The following PGM3 variants were observed in gnomAD, a reference collection of about 807,000 sequenced individuals.
PGM3 encodes phosphoglucomutase 3, also known as phosphoacetylglucosamine mutase.
In PGM3, 40 loss-of-function variants were observed where a neutral mutation model predicts 66.2. The ratio of observed to expected loss-of-function variants is 0.60; its 90% confidence interval spans 0.47 to 0.79. PGM3 has a LOEUF of 0.79. PGM3 is among the 30% of genes least tolerant of loss of function. The probability of loss-of-function intolerance (pLI) is 0.00; values close to 1 mark genes in which losing one functional copy is unlikely to be tolerated. For synonymous variants in PGM3, 191 were observed against 224.2 expected (o/e 0.85, Z 1.32); for missense variants, 537 against 643.4 (o/e 0.83, Z 1.79).
downstream of PGM3, chr6:83,158,649 GT>G: frequency 6.5e-7 from 1 of 1,545,854 alleles, no homozygotes; most frequent in Non-Finnish European, 8.9e-7. Flanking sequence ...ATATATTGTT[GT>G]CCATTTTTTA....
rs1788288846 is a variant in PGM3 at position 83,182,882 on chromosome 6, T to C, written c.554A>G (p.Gln185Arg). ...TTCCACAAAAGCCTTAGAGAGTTTC[T>C]GGTAGTAACCTTCTATAGTTGCCTT... ...YGKATIEGYYQKLSKAFVELT... is the reference protein window; with the variant it reads ...YGKATIEGYYRKLSKAFVELT... The change falls in exon 5 of 13, where the codon CAG becomes CGG. Residue 185 changes from glutamine (Q) to arginine (R), a missense_variant. Gln to Arg is a conservative substitution (Grantham distance 43). Transcript: ENST00000513973. 1 of 1,614,140 alleles carries C rather than the reference T, an allele frequency of 6.2e-7. No homozygotes were observed.
chr6:83,163,025 C>G (rs1784600532), downstream of PGM3: 2 of 1,323,816 alleles, frequency 1.5e-6, no homozygotes, highest in Admixed American at 2.4e-5. Context: ...TCAAGTTGAG[C>G]TATTTTGAAA....
chr6:83,175,029 T>G (rs1410079459), intron 9 of PGM3, among the ~76,000 whole-genome samples: 3 of 152,218 alleles, frequency 2.0e-5, no homozygotes, highest in African/African-American at 7.2e-5. Flanking sequence ...TTGGAAATAC[T>G]CATCTTTTTT....
chr6:83,154,147 A>G, the PGM3 span: 1 of 1,612,956 alleles, frequency 6.2e-7, no homozygotes, highest in Non-Finnish European at 8.5e-7. Flanking sequence ...CAGTAACAAC[A>G]TAATTACATG....
chr6:83,165,573 T>C lies in PGM3; in HGVS notation c.*3661A>G, dbSNP rs1813511. ...AATAAGTTTGTTTACTCCTGTAGCA[T>C]AAAAATCCATGCTTCCAAATTTGAC... On this transcript the variant is annotated 3_prime_UTR_variant, in exon 13 of 13. Transcript: ENST00000513973. 0.046 allele frequency: 8,126 copies of C among 176,266 alleles called. 254 individuals are homozygous for C. Among genetic ancestry groups the C allele is most frequent in the Middle Eastern group, 0.081 (32 of 396 alleles). The allele number at this position is 176,266 out of a possible 1,614,324, so 10.9% of individuals were successfully genotyped here.
Position 83,165,500 on chromosome 6 carries a change from T to A in PGM3, c.*3734A>T, listed in dbSNP as rs1369233794. On this transcript the variant is annotated 3_prime_UTR_variant, in exon 13 of 13. Coordinates refer to ENST00000513973, the MANE Select transcript of PGM3 (RefSeq NM_015599.3). ...ATAACTAGGTTCACACAAATCTTTA[T>A]TAATTAAAATAGGAACCATTACAAT... 6.5e-6 allele frequency: 1 copy of A among 154,526 alleles called. No homozygotes were observed. Among genetic ancestry groups the A allele is most frequent in the Admixed American group, 6.5e-5 (1 of 15,414 alleles). The allele number at this position is 154,526 out of a possible 1,614,324, so 9.6% of individuals were successfully genotyped here.
chr6:83,193,742 G>C (rs1789392366), upstream of PGM3: 1 of 153,156 alleles, frequency 6.5e-6, no homozygotes, highest in Non-Finnish European at 1.5e-5. Context: ...AGCCTTCTCC[G>C]GCTGCCGTCT....
intron 12 of PGM3, chr6:83,169,649 T>C (rs1366197368): frequency 4.2e-6 from 2 of 470,766 alleles, no homozygotes; most frequent in Non-Finnish European, 8.4e-6. Flanking sequence ...AATGCCTCTG[T>C]TGCCATCTCC....
At chr6:83,178,903 T>C in intron 7 of PGM3, 147 bp from the exon 8 acceptor site, 1 of 628,900 alleles carries the variant, frequency 1.6e-6, no homozygotes, top group Non-Finnish European at 2.8e-6. Context: ...AAAATTTACA[T>C]GTATGCCAGG....
the PGM3 span, chr6:83,153,925 G>A: frequency 1.2e-6 from 2 of 1,613,318 alleles, no homozygotes; most frequent in Non-Finnish European, 1.7e-6. Context: ...TCGAGCTTGT[G>A]TCCAGCTGCT....
At chr6:83,176,188 A>G in intron 8 of PGM3, 128 bp from the exon 9 acceptor site, 2 of 615,612 alleles carry the variant, frequency 3.2e-6, no homozygotes, top group South Asian at 3.9e-5. Flanking sequence ...AAGACGATTA[A>G]GCATTAAAAT....
At chr6:83,161,871 C>G (rs1784316785), downstream of PGM3, among the ~76,000 whole-genome samples, 1 of 152,068 alleles carries the variant, frequency 6.6e-6, no homozygotes, top group South Asian at 2.1e-4. Context: ...AATAAATAAG[C>G]ATTACTTAAG....
chr6:83,191,376 T>A (rs765624438), intron 1 of PGM3: 6 of 701,410 alleles, frequency 8.6e-6, no homozygotes, highest in East Asian at 8.2e-5. Context: ...TCAAAGATCA[T>A]TTCATTTTAC....
At chr6:83,177,286 C>T (rs967711403) in intron 8 of PGM3, among the ~76,000 whole-genome samples, 4 of 152,082 alleles carry the variant, frequency 2.6e-5, no homozygotes, top group African/African-American at 7.2e-5. Context: ...AGTTGGAAAA[C>T]TTCTCGATAA....
At chr6:83,172,657 TCAAAA>T (rs1245255962) in intron 10 of PGM3, among the ~76,000 whole-genome samples, 2 of 151,810 alleles carry the variant, frequency 1.3e-5, no homozygotes, top group African/African-American at 4.9e-5. Flanking sequence ...AGACTCCATC[TCAAAA>T]CAAAACAACA....
At chr6:83,161,685 G>A (rs1310153544), downstream of PGM3, among the ~76,000 whole-genome samples, 1 of 152,096 alleles carries the variant, frequency 6.6e-6, no homozygotes, top group East Asian at 1.9e-4. Flanking sequence ...TCTGAAAGTT[G>A]CTTTCCTTTT....
intron 10 of PGM3, among the ~76,000 whole-genome samples, chr6:83,173,776 A>G (rs959483180): frequency 3.3e-5 from 5 of 152,088 alleles, no homozygotes; most frequent in South Asian, 2.1e-4. Context: ...TCGCTCTGTC[A>G]CCCAGGCTGG....
At chr6:83,173,937 C>T (rs953797642) in intron 10 of PGM3, among the ~76,000 whole-genome samples, 1 of 151,858 alleles carries the variant, frequency 6.6e-6, no homozygotes, top group Non-Finnish European at 1.5e-5. Flanking sequence ...GAGGTTTCAC[C>T]CTGTTAGCCA....
intron 1 of PGM3, 63 bp from the exon 2 acceptor site, chr6:83,191,077 A>G: frequency 6.5e-7 from 1 of 1,530,190 alleles, no homozygotes; most frequent in Admixed American, 1.7e-5. Flanking sequence ...CATTTGCTTC[A>G]AAAACTGCCA....
Sources: gnomAD v4.1 joint callset for allele counts (sites outside exome capture counted in the v4.1 genomes callset) on GRCh38, gnomAD v4.1.1 for gene constraint, MANE v1.5 for transcripts, NCBI Gene and HGNC (gene_info 2026-07-23, HGNC 2026-07-21) for gene names.